MTMR8: variants seen among roughly 807,000 people sequenced by gnomAD.
MTMR8 encodes phosphatidylinositol-3,5-bisphosphate 3-phosphatase MTMR8.
MTMR8 carries 65 observed loss-of-function variants against 39.3 expected under a neutral mutation model. The ratio of observed to expected loss-of-function variants is 1.65; its 90% CI spans 1.35 to 2.03. The LOEUF is 2.03. MTMR8 is among the 30% of genes most tolerant of loss of function. MTMR8 has a pLI of 0.00. For missense variants in MTMR8, 777 were observed against 538.9 expected (o/e 1.44, Z -4.37); for synonymous variants, 245 against 185.2 (o/e 1.32, Z -2.62).
Position 64,310,399 on chromosome X carries a change from T to A in MTMR8, c.1481+18373A>T, listed in dbSNP as rs546371238. 3.1e-4 allele frequency among the ~76,000 whole-genome samples: 35 copies of A among 111,547 alleles called. No individual in the cohort carries two copies. The South Asian group carries it at 0.013, about 40-fold the overall frequency. On this transcript the variant is annotated intron_variant, in intron 12 of 13. Coordinates refer to ENST00000374852, the MANE Select transcript of MTMR8 (RefSeq NM_017677.4). ...TCTGCCGTTATATCCTCCACTGAAG[T>A]CTTGAACTCATCAAAATCATCCATG...
In MTMR8 at chrX:64,348,840, G is replaced by A. The variant is rs200338380; in HGVS notation, c.598-46C>T. 2.0e-4 allele frequency: 233 copies of A among 1,193,345 alleles called. 2 individuals are homozygous for A. In the East Asian group the frequency reaches 6.9e-3, roughly 35 times the overall value. On this transcript the variant is annotated intron_variant, in intron 5 of 13. Coordinates refer to ENST00000374852, the MANE Select transcript of MTMR8 (RefSeq NM_017677.4). ...AGTTGAGTGATTATATTCACAAATG[G>A]TCAAAAATCTTTCTTGACCCTTGCC...
At chrX:64,389,325 G>T (rs1048862174) in intron 1 of MTMR8, among the ~76,000 whole-genome samples, 1 of 111,487 alleles carries the variant, frequency 9.0e-6, no homozygotes, top group Non-Finnish European at 1.9e-5. Context: ...TCTAGTATTG[G>T]TGTCTCAAAT....
intron 12 of MTMR8, among the ~76,000 whole-genome samples, chrX:64,283,934 A>G (rs1921054055): frequency 8.9e-6 from 1 of 112,557 alleles, no homozygotes; most frequent in Admixed American, 9.4e-5. Flanking sequence ...TCTCCAAAGG[A>G]ACGCAGCTCC....
At chrX:64,322,235 T>G (rs773200548) in intron 12 of MTMR8, among the ~76,000 whole-genome samples, 2 of 110,073 alleles carry the variant, frequency 1.8e-5, no homozygotes, top group Non-Finnish European at 3.8e-5. Context: ...TGGGATCAAG[T>G]GATCCTCCAC....
At chrX:64,327,887 A>G (rs1245472138) in intron 12 of MTMR8, among the ~76,000 whole-genome samples, 3 of 112,310 alleles carry the variant, frequency 2.7e-5, no homozygotes, top group African/African-American at 9.7e-5. Flanking sequence ...AGCAACACAG[A>G]TGAGGTTGGA....
At chrX:64,288,757 C>A (rs1014171633) in intron 12 of MTMR8, among the ~76,000 whole-genome samples, 14 of 110,659 alleles carry the variant, frequency 1.3e-4, no homozygotes, top group Non-Finnish European at 2.6e-4. Flanking sequence ...TCTCAGCAAA[C>A]TATCGCAAGG....
chrX:64,269,238 G>C (rs60827690), intron 13 of MTMR8, among the ~76,000 whole-genome samples, 195 bp from the exon 14 acceptor site: 26,695 of 110,830 alleles, frequency 0.24, 7,692 homozygotes, highest in African/African-American at 0.83. Context: ...ATTGAAGAAT[G>C]TCAAAGGTCT....
intron 10 of MTMR8, among the ~76,000 whole-genome samples, chrX:64,334,586 A>C (rs5964765): frequency 2.9e-5 from 3 of 105,177 alleles, no homozygotes; most frequent in Admixed American, 1.0e-4. Flanking sequence ...AAAAAAAAAA[A>C]AAAAAAAAAC....
intron 1 of MTMR8, among the ~76,000 whole-genome samples, chrX:64,381,415 G>A (rs1488955455): frequency 9.3e-6 from 1 of 107,479 alleles, no homozygotes; most frequent in Non-Finnish European, 1.9e-5. Context: ...AAGTGTCTGT[G>A]CATATCCTTC....
chrX:64,292,291 C>T (rs1261511548), intron 12 of MTMR8, among the ~76,000 whole-genome samples: 1 of 111,607 alleles, frequency 9.0e-6, no homozygotes, highest in African/African-American at 3.3e-5. Flanking sequence ...TTGAGCTCTC[C>T]ATCTTTTGGC....
Position 64,328,893 on chromosome X carries a change from C to T in MTMR8, c.1360G>A (p.Glu454Lys), listed in dbSNP as rs1922872438. Residue 454 changes from glutamate (E) to lysine (K), a missense_variant, in exon 12 of 14, where the codon GAG (glutamate) becomes AAG (lysine). Transcript: ENST00000374852. ...QKDREDLRVY[E>K]KTHSVWPFLV... ...AAAGGCCACACAGAATGTGTTTTCT[C>T]ATAGACTCTGTTAGAAAAGAAAAAC... 1 of 1,187,947 alleles carries T rather than the reference C, an allele frequency of 8.4e-7. No individual in the cohort carries two copies. Among genetic ancestry groups the T allele is most frequent in the African/African-American group, 1.8e-5 (1 of 55,504 alleles).
chrX:64,339,456 A>T (rs1923160759), intron 8 of MTMR8, among the ~76,000 whole-genome samples: 2 of 111,861 alleles, frequency 1.8e-5, no homozygotes, highest in African/African-American at 6.5e-5. Context: ...CCTCTGGAAG[A>T]GCAATAGTAA....
At chrX:64,322,533 G>C (rs1246764614) in intron 12 of MTMR8, among the ~76,000 whole-genome samples, 1 of 111,690 alleles carries the variant, frequency 9.0e-6, no homozygotes, top group Non-Finnish European at 1.9e-5. Flanking sequence ...TAAGTCCTGG[G>C]CTTTTCTTTG....
chrX:64,324,029 C>A (rs911485643), intron 12 of MTMR8, among the ~76,000 whole-genome samples: 1 of 112,375 alleles, frequency 8.9e-6, no homozygotes, highest in Admixed American at 9.4e-5. Context: ...CCCAAGTAAA[C>A]CTAAAACTAG....
At chrX:64,378,194 A>G (rs1297716087) in intron 1 of MTMR8, among the ~76,000 whole-genome samples, 2 of 111,953 alleles carry the variant, frequency 1.8e-5, no homozygotes, top group Non-Finnish European at 3.8e-5. Context: ...AATCTATAGT[A>G]TTTTTGTTAT....
chrX:64,380,416 G>A (rs1418429454), intron 1 of MTMR8, among the ~76,000 whole-genome samples: 1 of 112,394 alleles, frequency 8.9e-6, no homozygotes, highest in Non-Finnish European at 1.9e-5. Flanking sequence ...ACATATTCGG[G>A]CTCCACCCTC....
chrX:64,300,892 T>C (rs1442037009), intron 12 of MTMR8, among the ~76,000 whole-genome samples: 1 of 111,187 alleles, frequency 9.0e-6, no homozygotes, highest in Non-Finnish European at 1.9e-5. Flanking sequence ...TTTAAGAATG[T>C]TGAATATTGG....
intron 8 of MTMR8, among the ~76,000 whole-genome samples, chrX:64,340,331 A>G (rs1923182480): frequency 8.9e-6 from 1 of 112,282 alleles, no homozygotes; most frequent in Admixed American, 9.4e-5. Flanking sequence ...GATAAGTTGT[A>G]CATTGACACT....
At chrX:64,385,744 A>G (rs1924540258) in intron 1 of MTMR8, among the ~76,000 whole-genome samples, 2 of 111,222 alleles carry the variant, frequency 1.8e-5, no homozygotes, top group Non-Finnish European at 3.8e-5. Flanking sequence ...TATCATGAGG[A>G]CAGCACCAGA....
Sources: allele counts gnomAD v4.1 joint callset (sites outside exome capture counted in the v4.1 genomes callset), GRCh38; gene constraint gnomAD v4.1.1; transcripts MANE v1.5; gene names NCBI Gene and HGNC (gene_info 2026-07-23, HGNC 2026-07-21).